The following PTPRA variants were observed in gnomAD, a reference collection of about 807,000 sequenced individuals.
The protein encoded by PTPRA is protein tyrosine phosphatase receptor type A.
In PTPRA, 25 loss-of-function variants were observed where a neutral mutation model predicts 104.8. The observed-to-expected ratio is 0.24, with a 90% CI of 0.17 to 0.33. The LOEUF is 0.33. Ranked by LOEUF, PTPRA falls within the 10% of genes least tolerant of loss-of-function variation. The pLI is 1.00. For synonymous variants in PTPRA, 323 were observed against 368.9 expected (o/e 0.88, Z 1.43); for missense variants, 765 against 1,015.3 (o/e 0.75, Z 3.35).
chr20:2,990,906 T>C (rs2063144080), intron 9 of PTPRA, among the ~76,000 whole-genome samples: 1 of 151,858 alleles, frequency 6.6e-6, no homozygotes, highest in African/African-American at 2.4e-5. Flanking sequence ...TTTGAGAAAA[T>C]AACTAACTAC....
chr20:3,023,251 C>G (rs2064971124), intron 16 of PTPRA, among the ~76,000 whole-genome samples: 1 of 152,226 alleles, frequency 6.6e-6, no homozygotes, highest in Non-Finnish European at 1.5e-5. Context: ...CCGCAGGGAC[C>G]TCTGCCCAAG....
intron 1 of PTPRA, among the ~76,000 whole-genome samples, chr20:2,901,883 A>G: frequency 6.7e-6 from 1 of 149,820 alleles, no homozygotes; most frequent in East Asian, 2.0e-4. Context: ...TTTTATTGTG[A>G]TTTTTTCTTT....
At chr20:2,940,176 T>C (rs2060857333) in intron 2 of PTPRA, among the ~76,000 whole-genome samples, 1 of 152,216 alleles carries the variant, frequency 6.6e-6, no homozygotes, top group Non-Finnish European at 1.5e-5. Flanking sequence ...ACTCCATCTT[T>C]TCCTGAACTG....
At chr20:2,973,800 T>A (rs1357323737) in intron 5 of PTPRA, among the ~76,000 whole-genome samples, 1 of 152,088 alleles carries the variant, frequency 6.6e-6, no homozygotes, top group Non-Finnish European at 1.5e-5. Context: ...CCAGGAGAGC[T>A]TGGTGCTCAG....
At chr20:2,909,219 G>A (rs1204313218) in intron 1 of PTPRA, among the ~76,000 whole-genome samples, 2 of 152,170 alleles carry the variant, frequency 1.3e-5, no homozygotes, top group Non-Finnish European at 2.9e-5. Context: ...AGTCTGGGAG[G>A]TCGAGGTTGC....
chr20:2,923,867 A>G (rs1431781800), intron 2 of PTPRA, among the ~76,000 whole-genome samples: 1 of 152,184 alleles, frequency 6.6e-6, no homozygotes, highest in Admixed American at 6.5e-5. Flanking sequence ...TCTTGAGTAG[A>G]TCACAGATGA....
chr20:2,901,540 T>C (rs921628080), intron 1 of PTPRA, among the ~76,000 whole-genome samples: 2 of 152,220 alleles, frequency 1.3e-5, no homozygotes, highest in African/African-American at 4.8e-5. Flanking sequence ...TAATATATGT[T>C]GTTAAAACTC....
rs544054749 is a variant in PTPRA, at chr20:2,951,192, G to A, written c.-7+3168G>A. Reference sequence around the variant, plus strand: ...TCGGCTTACTGCCAGCTCCGACTCCGGGGTTCACACCATTCTCCTACCTCT... The same window carrying A: ...TCGGCTTACTGCCAGCTCCGACTCCAGGGTTCACACCATTCTCCTACCTCT... On this transcript the variant is annotated intron_variant, in intron 3 of 23. Coordinates refer to ENST00000399903, the MANE Select transcript of PTPRA (RefSeq NM_001385305.1). Among the ~76,000 whole-genome samples the A allele has an allele frequency of 9.9e-5, 15 of 152,036 alleles. No homozygotes were observed. The East Asian group carries it at 2.5e-3, about 25-fold the overall frequency.
chr20:2,983,587 A>T (rs1320506997), intron 6 of PTPRA, among the ~76,000 whole-genome samples: 1 of 140,874 alleles, frequency 7.1e-6, no homozygotes, highest in African/African-American at 2.7e-5. Flanking sequence ...AAAAAAAAAA[A>T]GGCAGACAGA....
intron 10 of PTPRA, among the ~76,000 whole-genome samples, chr20:3,006,023 G>T (rs2063851850): frequency 6.7e-6 from 1 of 148,316 alleles, no homozygotes; most frequent in Non-Finnish European, 1.5e-5. Flanking sequence ...CTGTGAAAAT[G>T]TTTTTTTTTT....
intron 20 of PTPRA, among the ~76,000 whole-genome samples, chr20:3,032,583 T>G (rs369811480): frequency 1.4e-4 from 22 of 151,850 alleles, no homozygotes; most frequent in South Asian, 4.2e-4. Context: ...CTGGCCAACA[T>G]GGCAAAACCC....
chr20:2,918,361 T>C (rs755431071), intron 1 of PTPRA, among the ~76,000 whole-genome samples: 2 of 152,176 alleles, frequency 1.3e-5, no homozygotes, highest in African/African-American at 2.4e-5. Flanking sequence ...AGCTCCTCTT[T>C]ACAAAATAGA....
Position 3,000,075 on chromosome 20 carries a change from G to A in PTPRA, c.739-4981G>A, listed in dbSNP as rs148891605. On this transcript the variant is annotated intron_variant, in intron 9 of 23. Transcript: ENST00000399903. Reference sequence around the variant, plus strand: ...CTGAGGTAGGCGGATCACAAGGTCAGGAGTTCGAGACCAGCCTGGCCAACA... The same window carrying A: ...CTGAGGTAGGCGGATCACAAGGTCAAGAGTTCGAGACCAGCCTGGCCAACA... Among the ~76,000 whole-genome samples, 747 of 152,162 alleles carry A rather than the reference G, an allele frequency of 4.9e-3. 5 individuals carry two copies. Among genetic ancestry groups the A allele is most frequent in the African/African-American group, 0.017 (717 of 41,502 alleles).
chr20:2,873,341 G>A (rs1428822955), upstream of PTPRA: 6 of 152,330 alleles, frequency 3.9e-5, no homozygotes, highest in African/African-American at 1.4e-4. The surrounding 1 kb of genome is among the most constrained non-coding windows in gnomAD (Gnocchi z 4.4). Flanking sequence ...GTGCGACCGG[G>A]TTCGGCGCCC....
intron 1 of PTPRA, among the ~76,000 whole-genome samples, chr20:2,884,406 AG>A (rs2090251353): frequency 6.6e-6 from 1 of 152,182 alleles, no homozygotes; most frequent in Non-Finnish European, 1.5e-5. Context: ...AGCAATGCTT[AG>A]GGGTCCCAAT....
intron 20 of PTPRA, among the ~76,000 whole-genome samples, chr20:3,032,670 G>T (rs1365239744): frequency 3.3e-5 from 5 of 151,670 alleles, no homozygotes; most frequent in Non-Finnish European, 5.9e-5. Context: ...GGAGGCTGAG[G>T]CAGGAGAATC....
chr20:2,911,308 A>G (rs748633722), intron 1 of PTPRA, among the ~76,000 whole-genome samples: 7 of 152,176 alleles, frequency 4.6e-5, no homozygotes, highest in Non-Finnish European at 8.8e-5. Flanking sequence ...CTGAGTGAAC[A>G]GTAACAGAAC....
At chr20:2,913,135 G>A (rs6138944) in intron 1 of PTPRA, among the ~76,000 whole-genome samples, 5,724 of 152,148 alleles carry the variant, frequency 0.038, 269 homozygotes, top group Admixed American at 0.11. Context: ...CAGCACTTTA[G>A]GATGACGAGG....
chr20:2,879,041 C>A (rs1418434871), intron 1 of PTPRA, among the ~76,000 whole-genome samples: 3 of 152,154 alleles, frequency 2.0e-5, no homozygotes, highest in Admixed American at 6.6e-5. Context: ...GCTGGGGACA[C>A]CCCAGAGTAA....
Sources: allele counts gnomAD v4.1 joint callset (sites outside exome capture counted in the v4.1 genomes callset), GRCh38; gene constraint gnomAD v4.1.1; non-coding constraint Gnocchi (gnomAD v3.1); transcripts MANE v1.5; gene names NCBI Gene and HGNC (gene_info 2026-07-23, HGNC 2026-07-21).